REDIC1: variants seen among roughly 807,000 people sequenced by gnomAD.
The protein encoded by REDIC1 is regulator of DNA class I crossover intermediates 1.
At chr12:39,641,059 A>G in the REDIC1 span, 2 of 1,254,508 alleles carry the variant, frequency 1.6e-6, no homozygotes, top group African/African-American at 3.0e-5. Flanking sequence ...GTGCTTTTCT[A>G]CCACTAATAC....
At chr12:39,648,194 A>T in the REDIC1 span, among the ~76,000 whole-genome samples, 3 of 152,042 alleles carry the variant, frequency 2.0e-5, no homozygotes, top group Non-Finnish European at 2.9e-5. Flanking sequence ...TTTAAAAAAA[A>T]TCTTGGAATG....
At chr12:39,732,637 C>A in the REDIC1 span, among the ~76,000 whole-genome samples, 1 of 152,164 alleles carries the variant, frequency 6.6e-6, no homozygotes, top group Non-Finnish European at 1.5e-5. Flanking sequence ...AAGACAAATT[C>A]TTTAGTCTTT....
At chr12:39,811,673 T>G in the REDIC1 span, among the ~76,000 whole-genome samples, 1 of 152,204 alleles carries the variant, frequency 6.6e-6, no homozygotes, top group South Asian at 2.1e-4. Flanking sequence ...AATATACATT[T>G]AAGAATTGTA....
the REDIC1 span, among the ~76,000 whole-genome samples, chr12:39,672,213 AG>A: frequency 6.0e-4 from 91 of 152,196 alleles, no homozygotes; most frequent in African/African-American, 2.2e-3. Context: ...TGGCAGATGC[AG>A]GGGTGTGTGG....
chr12:39,762,844 A>T, the REDIC1 span, among the ~76,000 whole-genome samples: 1 of 152,060 alleles, frequency 6.6e-6, no homozygotes, highest in African/African-American at 2.4e-5. Context: ...CTTAATGCAA[A>T]GCAACACACT....
the REDIC1 span, among the ~76,000 whole-genome samples, chr12:39,742,644 A>T: frequency 5.3e-5 from 8 of 152,070 alleles, no homozygotes; most frequent in East Asian, 1.5e-3. Context: ...GGCTTCTTAA[A>T]TCACGTAAAA....
At chr12:39,832,164 C>T in the REDIC1 span, among the ~76,000 whole-genome samples, 37 of 152,226 alleles carry the variant, frequency 2.4e-4, no homozygotes, top group African/African-American at 8.9e-4. Context: ...GTGATAAGCA[C>T]ACTAAACTAG....
chr12:39,750,586 A>T, the REDIC1 span, among the ~76,000 whole-genome samples: 3 of 152,212 alleles, frequency 2.0e-5, no homozygotes, highest in East Asian at 5.8e-4. Context: ...GGAACCAAAA[A>T]AGAGCCCGCA....
chr12:39,643,793 A>T, the REDIC1 span: 1 of 1,544,152 alleles, frequency 6.5e-7, no homozygotes, highest in Non-Finnish European at 8.9e-7. Flanking sequence ...ATTTTGAAAA[A>T]CACAGGTTAA....
At chr12:39,699,029 A>G in the REDIC1 span, among the ~76,000 whole-genome samples, 1 of 152,258 alleles carries the variant, frequency 6.6e-6, no homozygotes, top group Non-Finnish European at 1.5e-5. Context: ...AGCAAACAGT[A>G]CAAAGTATCA....
the REDIC1 span, among the ~76,000 whole-genome samples, chr12:39,697,972 G>C: frequency 6.6e-6 from 1 of 152,024 alleles, no homozygotes; most frequent in Non-Finnish European, 1.5e-5. Flanking sequence ...TGGCTGAATG[G>C]ATAAAAAATA....
At chr12:39,722,057 A>G in the REDIC1 span, 3 of 152,100 alleles carry the variant, frequency 2.0e-5, no homozygotes, top group Non-Finnish European at 4.4e-5. Flanking sequence ...GTTTTGATAT[A>G]TTTCATGGTA....
At chr12:39,878,744 A>C in the REDIC1 span, among the ~76,000 whole-genome samples, 1 of 152,248 alleles carries the variant, frequency 6.6e-6, no homozygotes, top group African/African-American at 2.4e-5. Flanking sequence ...GAAAAAGAAA[A>C]AAGCTTTTTT....
At chr12:39,655,125 A>G in the REDIC1 span, among the ~76,000 whole-genome samples, 2 of 151,832 alleles carry the variant, frequency 1.3e-5, no homozygotes, top group Admixed American at 1.3e-4. Flanking sequence ...TTTCATGTTT[A>G]GTGTAGCTGA....
chr12:39,808,869 T>C, the REDIC1 span, among the ~76,000 whole-genome samples: 3 of 152,194 alleles, frequency 2.0e-5, no homozygotes, highest in South Asian at 2.1e-4. Flanking sequence ...GGCTTGGGCT[T>C]TGTATTCTCT....
chr12:39,838,618 A>G, the REDIC1 span, among the ~76,000 whole-genome samples: 1 of 152,090 alleles, frequency 6.6e-6, no homozygotes, highest in Non-Finnish European at 1.5e-5. Flanking sequence ...GCTTCCAATT[A>G]AAGTAAAAAA....
chr12:39,646,346 AC>A, the REDIC1 span: 2 of 1,322,358 alleles, frequency 1.5e-6, no homozygotes, highest in South Asian at 4.8e-5. Flanking sequence ...GAGAAAACCA[AC>A]CCATGTGAAC....
At chr12:39,828,815 G>C in the REDIC1 span, among the ~76,000 whole-genome samples, 8 of 151,894 alleles carry the variant, frequency 5.3e-5, no homozygotes, top group East Asian at 1.5e-3. Flanking sequence ...ACAAAATTTG[G>C]CTGATAAGAA....
chr12:39,712,953 A>G, the REDIC1 span, among the ~76,000 whole-genome samples: 1 of 144,346 alleles, frequency 6.9e-6, no homozygotes, highest in Admixed American at 6.9e-5. Flanking sequence ...GTATATACAT[A>G]TATGCATATA....
Sources: gnomAD v4.1 joint callset for allele counts (sites outside exome capture counted in the v4.1 genomes callset) on GRCh38, gnomAD v4.1.1 for gene constraint, MANE v1.5 for transcripts, NCBI Gene and HGNC (gene_info 2026-07-23, HGNC 2026-07-21) for gene names.